ZNF808: variants seen among roughly 807,000 people sequenced by gnomAD.
ZNF808 encodes zinc finger protein 808.
A neutral mutation model predicts 8.7 loss-of-function variants in ZNF808; 5 were observed. The ratio of observed to expected loss-of-function variants is 0.58; its 90% CI spans 0.30 to 1.21. The LOEUF (loss-of-function observed/expected upper bound fraction) is 1.21. Among genes scored for constraint, ZNF808 ranks in the 50% most tolerant of loss-of-function variants. The probability of loss-of-function intolerance (pLI) is 0.07; values close to 1 mark genes in which losing one functional copy is unlikely to be tolerated. For missense variants in ZNF808, 1,103 were observed against 1,098.4 expected, an observed-to-expected ratio of 1.00 and a Z score of -0.06; for synonymous variants, 380 against 366.0, an observed-to-expected ratio of 1.04 and a Z score of -0.44.
chr19:52,563,032 C>G (rs567072432), intron 3 of ZNF808, among the ~76,000 whole-genome samples: 71 of 152,228 alleles, frequency 4.7e-4, no homozygotes, highest in African/African-American at 5.5e-4. Context: ...CCTCTGCCCC[C>G]CAAAGTGCTG....
At chr19:52,562,577 A>G (rs560320764) in intron 3 of ZNF808, among the ~76,000 whole-genome samples, 4 of 152,216 alleles carry the variant, frequency 2.6e-5, no homozygotes, top group South Asian at 2.1e-4. Flanking sequence ...TTATGTTTTT[A>G]TTGTGCAATT....
chr19:52,553,608 T>C lies in ZNF808; in HGVS notation c.692T>C (p.Phe231Ser), dbSNP rs777281192. The C allele has an allele frequency of 5.0e-6, 8 of 1,614,078 alleles. No homozygotes were observed. The Admixed American group carries it at 1.3e-4, about 27-fold the overall frequency. Reference sequence around the variant, plus strand: ...GAAGTACACATGAGAGAAAAATCTTTCCCATGTAATGAGAGTGGCAAAGCC... The same window carrying C: ...GAAGTACACATGAGAGAAAAATCTTCCCCATGTAATGAGAGTGGCAAAGCC... The part of the protein sequence containing the change: ...KQEVHMREKS[F>S]PCNESGKAFN... Residue 231 changes from phenylalanine (F) to serine (S), a missense_variant, in exon 5 of 5, where the codon TTC (phenylalanine) becomes TCC (serine). Coordinates refer to ENST00000359798, the MANE Select transcript of ZNF808 (RefSeq NM_001039886.4).
intron 1 of ZNF808, among the ~76,000 whole-genome samples, chr19:52,529,909 A>ATTT (rs766981559): frequency 1.4e-4 from 19 of 134,230 alleles, no homozygotes; most frequent in African/African-American, 5.3e-4. Flanking sequence ...ATATATATAT[A>ATTT]TATTTTTTTT....
At chr19:52,567,488 TA>T (rs1285537532), downstream of ZNF808, among the ~76,000 whole-genome samples, 5 of 13,180 alleles carry the variant, frequency 3.8e-4, no homozygotes, top group Non-Finnish European at 7.0e-4. Context: ...CTGTATTTTT[TA>T]TTATTATTAT....
At chr19:52,530,645 G>A (rs688646) in intron 1 of ZNF808, among the ~76,000 whole-genome samples, 50,537 of 150,340 alleles carry the variant, frequency 0.34, 9,566 homozygotes, top group East Asian at 0.5. Context: ...GCTGGGCAAC[G>A]GAGCTAGACT....
At chr19:52,542,262 G>A (rs928925739) in intron 2 of ZNF808, among the ~76,000 whole-genome samples, 15 of 152,212 alleles carry the variant, frequency 9.9e-5, no homozygotes, top group African/African-American at 3.6e-4. Flanking sequence ...CTTTTGGGTT[G>A]TGGGAGAAAA....
At chr19:52,558,942 G>T (rs924204713), downstream of ZNF808, among the ~76,000 whole-genome samples, 2 of 152,190 alleles carry the variant, frequency 1.3e-5, no homozygotes, top group Admixed American at 6.5e-5. Flanking sequence ...CTTGTTAAAA[G>T]TCATCACCAC....
chr19:52,541,830 G>A (rs2059673563), intron 2 of ZNF808, among the ~76,000 whole-genome samples: 1 of 152,108 alleles, frequency 6.6e-6, no homozygotes, highest in South Asian at 2.1e-4. Flanking sequence ...CCTGTGTCCA[G>A]TTGTCTCAGC....
intron 1 of ZNF808, among the ~76,000 whole-genome samples, chr19:52,529,911 AT>A (rs201852253): frequency 3.1e-4 from 25 of 81,898 alleles, no homozygotes; most frequent in South Asian, 8.3e-4. Context: ...ATATATATAT[AT>A]TTTTTTTTTT....
In ZNF808 at chr19:52,561,764, C is replaced by T. The variant is rs572935345; in HGVS notation, c.*423-1554C>T. 3.3e-5 allele frequency among the ~76,000 whole-genome samples: 5 copies of T among 152,180 alleles called. No homozygotes were observed. In the South Asian group the frequency reaches 1.0e-3, roughly 32 times the overall value. Reference sequence around the variant, plus strand: ...GTTTTTCCATGTTAGTCAGACTGCTCTCAAGCTCCCGACCTCAGGAGATCC... The same window carrying T: ...GTTTTTCCATGTTAGTCAGACTGCTTTCAAGCTCCCGACCTCAGGAGATCC... On this transcript the variant is annotated intron_variant and NMD_transcript_variant, in intron 3 of 3. Transcript: ENST00000487863.
downstream of ZNF808, among the ~76,000 whole-genome samples, chr19:52,565,555 G>A (rs544092307): frequency 7.2e-5 from 11 of 152,170 alleles, no homozygotes. Context: ...CTTCACAGGT[G>A]TAGGAAAGAA....
downstream of ZNF808, among the ~76,000 whole-genome samples, chr19:52,558,741 AAAG>A (rs1270522558): frequency 2.6e-5 from 4 of 152,200 alleles, no homozygotes; most frequent in South Asian, 8.3e-4. Context: ...GTCTATGTAG[AAAG>A]AAGTAGACAT....
Position 52,547,630 on chromosome 19 carries a change from A to C in ZNF808, c.182A>C (p.Glu61Ala), listed in dbSNP as rs761688096. The change falls in exon 4 of 5, where the codon GAG (glutamate) becomes GCG (alanine). Residue 61 changes from glutamate to alanine, a missense_variant. By Grantham distance (107) the Glu-to-Ala change is moderately radical (BLOSUM62 -1). Transcript: ENST00000359798. ...ATGTTGGAGAACTACAGGAACCTGGAGGCTGTGGGTGAGGAAAATGTCCCT... is the reference window on the plus strand; with the variant it reads ...ATGTTGGAGAACTACAGGAACCTGGCGGCTGTGGGTGAGGAAAATGTCCCT... ...EVMLENYRNLEAVDISSKHMM... is the reference protein window; with the variant it reads ...EVMLENYRNLAAVDISSKHMM... 3.2e-5 allele frequency: 51 copies of C among 1,612,406 alleles called. No homozygotes were observed. The highest frequency in any genetic ancestry group is 4.2e-5 in the Non-Finnish European group (49 of 1,179,184).
intron 3 of ZNF808, among the ~76,000 whole-genome samples, 176 bp downstream of exon 3, chr19:52,543,523 C>G (rs2059692653): frequency 6.6e-6 from 1 of 152,168 alleles, no homozygotes; most frequent in African/African-American, 2.4e-5. Flanking sequence ...CTCAGGTGCT[C>G]TGAGATTCCA....
chr19:52,551,443 G>A (rs2059775603), intron 4 of ZNF808, among the ~76,000 whole-genome samples: 1 of 151,518 alleles, frequency 6.6e-6, no homozygotes, highest in African/African-American at 2.4e-5. Context: ...TTCTTAAAAT[G>A]TTGTATATTT....
rs2059825320 is a variant in ZNF808 at position 52,555,316 on chromosome 19, C to T, written c.2400C>T (p.Phe800=). The T allele has an allele frequency of 5.6e-6, 9 of 1,614,164 alleles. No homozygotes were observed. Among genetic ancestry groups the T allele is most frequent in the Non-Finnish European group, 5.9e-6 (7 of 1,180,032 alleles). Residue 800 remains phenylalanine (F), a synonymous_variant, in exon 5 of 5, where the codon TTC becomes TTT. Coordinates refer to ENST00000359798, the MANE Select transcript of ZNF808 (RefSeq NM_001039886.4). ...SYKCTVCDKA[F]VRNSYLARHI... Reference sequence around the variant, plus strand: ...AATGTACGGTTTGTGACAAGGCTTTCGTGCGTAATTCATACCTGGCAAGAC... The same window carrying T: ...AATGTACGGTTTGTGACAAGGCTTTTGTGCGTAATTCATACCTGGCAAGAC...
At chr19:52,547,109 G>A (rs114982785) in intron 3 of ZNF808, among the ~76,000 whole-genome samples, 1,898 of 151,792 alleles carry the variant, frequency 0.013, 40 homozygotes, top group African/African-American at 0.043. Flanking sequence ...CACCATGTCC[G>A]TCTAATTTTT....
downstream of ZNF808, among the ~76,000 whole-genome samples, chr19:52,558,879 ATTAAGGGC>A (rs2059847656): frequency 6.6e-6 from 1 of 152,218 alleles, no homozygotes; most frequent in Non-Finnish European, 1.5e-5. Flanking sequence ...GGTTAAATGG[ATTAAGGGC>A]TGTTCAGGAT....
At chr19:52,567,444 G>A (rs777096610), downstream of ZNF808, among the ~76,000 whole-genome samples, 20 of 146,040 alleles carry the variant, frequency 1.4e-4, no homozygotes, top group South Asian at 1.3e-3. Flanking sequence ...TTTTTAAGAC[G>A]GAGTCTCGCT....
Sources: allele counts gnomAD v4.1 joint callset (sites outside exome capture counted in the v4.1 genomes callset), GRCh38; gene constraint gnomAD v4.1.1; transcripts MANE v1.5; gene names NCBI Gene and HGNC (gene_info 2026-07-23, HGNC 2026-07-21).